SCRIB: variants seen among roughly 807,000 people sequenced by gnomAD.
SCRIB encodes the protein scribble planar cell polarity protein.
A neutral mutation model predicts 170.0 loss-of-function variants in SCRIB; 72 were observed. The observed-to-expected ratio is 0.42, with a 90% CI of 0.35 to 0.52. The LOEUF is 0.52. SCRIB is among the 20% of genes least tolerant of loss of function. SCRIB has a pLI of 0.02. For synonymous variants in SCRIB, 1,298 were observed against 1,044.3 expected (o/e 1.24, Z -4.68); for missense variants, 2,475 against 2,338.5 (o/e 1.06, Z -1.20).
In SCRIB at chr8:143,803,767, T is replaced by G. The variant is rs1554635569; in HGVS notation, c.3294A>C (p.Leu1098=). The G allele has an allele frequency of 6.2e-7, 1 of 1,601,738 alleles. No individual in the cohort carries two copies. Among genetic ancestry groups the G allele is most frequent in the Non-Finnish European group, 8.5e-7 (1 of 1,179,306 alleles). The change falls in exon 23 of 37, where the codon CTA becomes CTC. Residue 1098 remains leucine (L), a synonymous_variant. Coordinates refer to ENST00000356994, the MANE Select transcript of SCRIB (RefSeq NM_182706.5). ...LVRRDPAPPG[L]RELCIQKAPG... Reference sequence around the variant, plus strand: ...GTGCCTTCTGGATGCACAGTTCCCGTAGGCCCGGGGGTGCCGGGTCCCTCC... The same window carrying G: ...GTGCCTTCTGGATGCACAGTTCCCGGAGGCCCGGGGGTGCCGGGTCCCTCC...
In SCRIB at chr8:143,806,445, C is replaced by A. The variant is rs145709347; in HGVS notation, c.2308G>T (p.Ala770Ser). The A allele has an allele frequency of 6.2e-7, 1 of 1,606,324 alleles. No homozygotes were observed. Among genetic ancestry groups the A allele is most frequent in the Non-Finnish European group, 8.5e-7 (1 of 1,176,390 alleles). ...ISRVSEEGPA[A>S]RAGVRVGDKL... ...TCACCCACACGGACTCCAGCCCGGG[C>A]CGCAGGGCCTTCCTCGGACACCCGA... Residue 770 changes from alanine to serine, a missense_variant, in exon 18 of 37, where the codon GCC becomes TCC. This residue lies in a region of SCRIB where 1,966 missense variants were observed against 1,742.9 expected (regional missense o/e 1.13). Transcript: ENST00000356994.
In SCRIB at chr8:143,813,742, C is replaced by G. The variant is rs377517960; in HGVS notation, c.357-16G>C. The G allele has an allele frequency of 2.5e-6, 4 of 1,612,988 alleles. No individual in the cohort carries two copies. Among genetic ancestry groups the G allele is most frequent in the Non-Finnish European group, 8.5e-7 (1 of 1,179,816 alleles). ...ATCAGGGAGCCTGGATGGGAGGAAG[C>G]AGAGGCCCTCGGATGACCAGTCCAG... On this transcript the variant is annotated splice_polypyrimidine_tract_variant and intron_variant, in intron 3 of 36. Transcript: ENST00000356994.
intron 26 of SCRIB, 76 bp from the exon 27 acceptor site, chr8:143,795,188 G>A: frequency 3.1e-6 from 5 of 1,597,010 alleles, no homozygotes; most frequent in Non-Finnish European, 3.4e-6. Context: ...CAGGAGAGGG[G>A]GTCCTGGGGG....
intron 24 of SCRIB, among the ~76,000 whole-genome samples, chr8:143,797,630 C>T (rs1426475933): frequency 1.7e-4 from 26 of 152,220 alleles, no homozygotes; most frequent in Non-Finnish European, 2.9e-4. Flanking sequence ...CACACAGACA[C>T]GTGGTAGCTC....
Position 143,803,943 on chromosome 8 carries a change from G to T in SCRIB, c.3121-3C>A, listed in dbSNP as rs782644892. The T allele has an allele frequency of 6.3e-7, 1 of 1,577,296 alleles. No homozygotes were observed. The highest frequency in any genetic ancestry group is 1.1e-5 in the South Asian group (1 of 87,402). On this transcript the variant is annotated splice_polypyrimidine_tract_variant and splice_region_variant and intron_variant, in intron 22 of 36. Coordinates refer to ENST00000356994, the MANE Select transcript of SCRIB (RefSeq NM_182706.5). ...GCGGCCAGGCCCCGCGGGAGCACCT[G>T]TCAGGGAGGAGGGTGGCAGCTGGTG...
Position 143,811,146 on chromosome 8 carries a change from C to T in SCRIB, c.1106G>A (p.Arg369His), listed in dbSNP as rs1038576896. 3 of 1,597,540 alleles carry T rather than the reference C, an allele frequency of 1.9e-6. No homozygotes were observed. The highest frequency in any genetic ancestry group is 2.3e-5 in the East Asian group (1 of 43,996). Residue 369 changes from arginine (R) to histidine (H), a missense_variant and splice_region_variant, in exon 10 of 37, where the codon CGC becomes CAC. Physicochemically the swap from Arg to His is conservative, Grantham distance 29. Around this residue, in one of 3 missense-constraint regions of SCRIB, gnomAD observed 487 missense variants for 558.1 expected, o/e 0.87. Coordinates refer to ENST00000356994, the MANE Select transcript of SCRIB (RefSeq NM_182706.5). ...CCCGCAGGGCAAGGCTGGCACTCACCGGTTCCCCGCCACGTCCAGCACGTG... is the reference window on the plus strand; with the variant it reads ...CCCGCAGGGCAAGGCTGGCACTCACTGGTTCCCCGCCACGTCCAGCACGTG... Reference protein sequence around the residue: ...ELHVLDVAGNRLQSLPFALTH... With the variant: ...ELHVLDVAGNHLQSLPFALTH...
rs186534975 is a variant in SCRIB at position 143,809,345 on chromosome 8, C to A, written c.1698+206G>T. On this transcript the variant is annotated intron_variant, in intron 14 of 36. Coordinates refer to ENST00000356994, the MANE Select transcript of SCRIB (RefSeq NM_182706.5). ...GCCCAGCCGTCAGGGGAGACCTTAA[C>A]CCCACCTAGGGAGGCAGCTCTCCAG... Among the ~76,000 whole-genome samples, 134 of 152,204 alleles carry A rather than the reference C, an allele frequency of 8.8e-4. 3 individuals are homozygous for A. In the East Asian group the frequency reaches 0.014, roughly 15 times the overall value.
intron 18 of SCRIB, among the ~76,000 whole-genome samples, chr8:143,806,061 C>G (rs936493235): frequency 6.6e-6 from 1 of 152,296 alleles, no homozygotes; most frequent in Middle Eastern, 3.4e-3. Context: ...GTAGCCTGAC[C>G]CCTCTCGGTC....
intron 28 of SCRIB, chr8:143,793,575 A>AC (rs1181902928): frequency 8.3e-6 from 3 of 360,422 alleles, no homozygotes; most frequent in African/African-American, 4.1e-5. Context: ...GGGGGCAAGG[A>AC]CCCCCAGACA....
chr8:143,794,137 G>C, intron 27 of SCRIB, 175 bp from the exon 28 acceptor site: 1 of 607,598 alleles, frequency 1.6e-6, no homozygotes, highest in South Asian at 2.1e-5. Context: ...GCTCGTCCCC[G>C]TTCCCACAGG....
chr8:143,809,659 T>C lies in SCRIB; in HGVS notation c.1590A>G (p.Thr530=). The C allele has an allele frequency of 1.2e-6, 2 of 1,611,464 alleles. No individual in the cohort carries two copies. Among genetic ancestry groups the C allele is most frequent in the Non-Finnish European group, 1.7e-6 (2 of 1,179,912 alleles). Residue 530 remains threonine, a synonymous_variant, in exon 14 of 37, where the codon ACA becomes ACG. Coordinates refer to ENST00000356994, the MANE Select transcript of SCRIB (RefSeq NM_182706.5). ...LSEDSRPSAS[T]VSEAEPEGPS... is the part of the protein sequence containing the mutation. ...GGCCCTCGGGCTCAGCCTCAGAGAC[T>C]GTGCTGGCAGATGGGCGAGAGTCTT... is the stretch of plus-strand genomic sequence containing the variant.
rs1554633933 is a variant in SCRIB at position 143,795,521 on chromosome 8, C to G, written c.3613G>C (p.Gly1205Arg). The change falls in exon 25 of 37, where the codon GGT becomes CGT. Residue 1205 changes from glycine to arginine, a missense_variant. Physicochemically the swap from Gly to Arg is moderately radical, Grantham distance 125. Transcript: ENST00000356994. ...STDAALEVSP[G>R]VIANPFAAGI... ...GCCGCAAAGGGGTTGGCAATGACAC[C>G]TGGGGACACCTGAGAAGAGGGGTGT... The G allele has an allele frequency of 1.9e-6, 3 of 1,611,342 alleles. No individual in the cohort carries two copies. Among genetic ancestry groups the G allele is most frequent in the Non-Finnish European group, 1.7e-6 (2 of 1,178,820 alleles).
chr8:143,791,324 A>G lies in SCRIB; in HGVS notation c.4823-16T>C. ...TCCTGCGGGCCTGGAGGGCAGGGAC[A>G]GGTGGGCAGTGAGCTGAGGGCAGCT... On this transcript the variant is annotated splice_polypyrimidine_tract_variant and intron_variant, in intron 36 of 36. Transcript: ENST00000356994. 6.3e-7 allele frequency: 1 copy of G among 1,583,700 alleles called. No individual in the cohort carries two copies. The highest frequency in any genetic ancestry group is 8.6e-7 in the Non-Finnish European group (1 of 1,164,820).
At chr8:143,810,068 C>T (rs1191271994) in intron 13 of SCRIB, among the ~76,000 whole-genome samples, 1 of 152,138 alleles carries the variant, frequency 6.6e-6, no homozygotes, top group Non-Finnish European at 1.5e-5. Flanking sequence ...ATCACTGGTT[C>T]TGCTGCACCC....
rs1313771699 is a variant in SCRIB at position 143,804,062 on chromosome 8, C to T, written c.3104G>A (p.Gly1035Asp). ...CCGCCCTACCTTGGAGATGAACACACCAGGCTCCTGGACACCAAACGGGTG... is the reference window on the plus strand; with the variant it reads ...CCGCCCTACCTTGGAGATGAACACATCAGGCTCCTGGACACCAAACGGGTG... ...SSHPFGVQEP[G>D]VFISKVLPRG... The change falls in exon 22 of 37, where the codon GGT becomes GAT. Residue 1035 changes from glycine to aspartate, a missense_variant. Transcript: ENST00000356994. The T allele has an allele frequency of 1.2e-6, 2 of 1,610,914 alleles. No homozygotes were observed. The highest frequency in any genetic ancestry group is 1.3e-5 in the African/African-American group (1 of 74,864).
chr8:143,803,299 C>A, intron 24 of SCRIB, 84 bp downstream of exon 24: 1 of 1,326,982 alleles, frequency 7.5e-7, no homozygotes, highest in Non-Finnish European at 1.0e-6. Context: ...GGGGACCCGT[C>A]GCCTGCCCCG....
intron 18 of SCRIB, among the ~76,000 whole-genome samples, chr8:143,805,748 C>G (rs1175521600): frequency 1.3e-5 from 2 of 152,234 alleles, no homozygotes; most frequent in African/African-American, 2.4e-5. Context: ...TCCGGCCCAT[C>G]TGCACAGCCC....
At chr8:143,794,555 G>A (rs1031559436) in intron 27 of SCRIB, among the ~76,000 whole-genome samples, 3 of 152,130 alleles carry the variant, frequency 2.0e-5, no homozygotes, top group South Asian at 4.1e-4. Flanking sequence ...ACGTTCGGTG[G>A]GGCTGGTGGG....
intron 8 of SCRIB, 65 bp downstream of exon 8, chr8:143,812,752 C>A: frequency 2.6e-6 from 4 of 1,555,998 alleles, no homozygotes; most frequent in Non-Finnish European, 3.5e-6. Flanking sequence ...ACAGCCCCGA[C>A]GCCCCACGCT....
Sources: gnomAD v4.1 joint callset for allele counts (sites outside exome capture counted in the v4.1 genomes callset) on GRCh38, gnomAD v4.1.1 for gene constraint, gnomAD v4.1.1 regional missense constraint, MANE v1.5 for transcripts, NCBI Gene and HGNC (gene_info 2026-07-23, HGNC 2026-07-21) for gene names.